Variants in PTPRD observed in about 807,000 individuals in gnomAD.
The protein encoded by PTPRD is protein tyrosine phosphatase receptor type D.
Under a neutral mutation model 214.5 loss-of-function variants are expected in PTPRD, and 34 were observed. The ratio of observed to expected loss-of-function variants is 0.16; its 90% CI spans 0.12 to 0.21. The LOEUF is 0.21. PTPRD is among the 10% of genes least tolerant of loss of function. The pLI, the probability that PTPRD is intolerant of heterozygous loss-of-function variation, is 1.00. For synonymous variants in PTPRD, 1,128 were observed against 845.7 expected (o/e 1.33, Z -5.79); for missense variants, 2,545 against 2,398.7 (o/e 1.06, Z -1.27).
intron 5 of PTPRD, among the ~76,000 whole-genome samples, chr9:9,922,482 C>A (rs2153880872): frequency 6.6e-6 from 1 of 152,022 alleles, no homozygotes; most frequent in Middle Eastern, 3.4e-3. Context: ...GAATGAAGAG[C>A]CACAGATCAT....
chr9:9,569,290 G>C (rs1415981313), intron 8 of PTPRD, among the ~76,000 whole-genome samples: 2 of 150,228 alleles, frequency 1.3e-5, no homozygotes, highest in Non-Finnish European at 3.0e-5. Flanking sequence ...AAAAAAAAAA[G>C]GTATTTAAAG....
rs565382708 is a variant in PTPRD, at chr9:10,200,928, G to A, written c.-545+140035C>T. On this transcript the variant is annotated intron_variant, in intron 3 of 45. Coordinates refer to ENST00000381196, the MANE Select transcript of PTPRD (RefSeq NM_002839.4). Reference sequence around the variant, plus strand: ...ATTTTTGGTAAATAAAAACAAGTTTGCATTTATTAATCATGAGTCATTGGC... The same window carrying A: ...ATTTTTGGTAAATAAAAACAAGTTTACATTTATTAATCATGAGTCATTGGC... Among the ~76,000 whole-genome samples, 320 of 152,118 alleles carry A rather than the reference G, an allele frequency of 2.1e-3. 1 individual carries two copies. Among genetic ancestry groups the A allele is most frequent in the African/African-American group, 7.3e-3 (304 of 41,534 alleles).
At chr9:8,791,741 C>A (rs1046717710) in intron 11 of PTPRD, among the ~76,000 whole-genome samples, 1 of 151,934 alleles carries the variant, frequency 6.6e-6, no homozygotes, top group Admixed American at 6.6e-5. Flanking sequence ...ACTGAGGATG[C>A]TGACTGGCTA....
chr9:9,155,786 G>C (rs563569937), intron 10 of PTPRD, among the ~76,000 whole-genome samples: 1 of 152,228 alleles, frequency 6.6e-6, no homozygotes, highest in Non-Finnish European at 1.5e-5. Context: ...ATATCACTTG[G>C]ACATAGTTTG....
intron 12 of PTPRD, among the ~76,000 whole-genome samples, chr9:8,691,034 T>C (rs185564427): frequency 6.6e-6 from 1 of 152,278 alleles, no homozygotes; most frequent in Non-Finnish European, 1.5e-5. Flanking sequence ...AAAATTATCT[T>C]TCTCTCCTAA....
intron 12 of PTPRD, among the ~76,000 whole-genome samples, chr9:8,731,337 ACTC>A (rs2098656511): frequency 6.6e-6 from 1 of 152,144 alleles, no homozygotes. Context: ...TTCTAAAATG[ACTC>A]TGACAAGCTA....
chr9:10,422,780 G>A (rs915021640), intron 2 of PTPRD, among the ~76,000 whole-genome samples: 1 of 152,032 alleles, frequency 6.6e-6, no homozygotes, highest in South Asian at 2.1e-4. Context: ...AGTTAGAATG[G>A]CGATCATTAA....
chr9:10,144,863 C>G (rs1015825620), intron 3 of PTPRD, among the ~76,000 whole-genome samples: 3 of 152,022 alleles, frequency 2.0e-5, no homozygotes, highest in African/African-American at 7.2e-5. Flanking sequence ...TGGGATAATA[C>G]TGATTTTTTT....
At chr9:10,481,857 G>T (rs766583771) in intron 2 of PTPRD, among the ~76,000 whole-genome samples, 1 of 152,110 alleles carries the variant, frequency 6.6e-6, no homozygotes, top group Non-Finnish European at 1.5e-5. Flanking sequence ...AGAGGTAGAG[G>T]ACAACCAGCA....
At chr9:8,711,719 C>T (rs1288386104) in intron 12 of PTPRD, among the ~76,000 whole-genome samples, 2 of 152,098 alleles carry the variant, frequency 1.3e-5, no homozygotes, top group Admixed American at 1.3e-4. Context: ...GTTGGTTTTG[C>T]TTTTTAGAAA....
At chr9:8,790,180 T>C (rs2096168019) in intron 11 of PTPRD, among the ~76,000 whole-genome samples, 1 of 151,684 alleles carries the variant, frequency 6.6e-6, no homozygotes, top group Non-Finnish European at 1.5e-5. Flanking sequence ...CTATGCCTAA[T>C]ATTTTTTTTA....
intron 12 of PTPRD, among the ~76,000 whole-genome samples, chr9:8,723,649 T>C (rs1242854674): frequency 6.6e-6 from 1 of 152,240 alleles, no homozygotes; most frequent in African/African-American, 2.4e-5. Flanking sequence ...GAGGAGTTTC[T>C]ATCAACCTAA....
At chr9:9,699,686 A>G (rs999453820) in intron 7 of PTPRD, among the ~76,000 whole-genome samples, 3 of 152,210 alleles carry the variant, frequency 2.0e-5, no homozygotes, top group Non-Finnish European at 4.4e-5. Flanking sequence ...CTATTTGCTA[A>G]CAGAGCTGTT....
In PTPRD at chr9:9,466,387, T is replaced by A. The variant is rs547418788; in HGVS notation, c.-236-68905A>T. On this transcript the variant is annotated intron_variant, in intron 8 of 45. Coordinates refer to ENST00000381196, the MANE Select transcript of PTPRD (RefSeq NM_002839.4). ...AGTGTTCTAGATGAAGTTGCTATTA[T>A]GAATCATATACTATACAATTCAAAA... Among the ~76,000 whole-genome samples the A allele has an allele frequency of 9.2e-5, 14 of 152,336 alleles. 1 individual carries two copies. The South Asian group carries it at 2.9e-3, about 32-fold the overall frequency.
rs867235922 is a variant in PTPRD, at chr9:8,786,037, G to C, written c.-103-52091C>G. 2.0e-3 allele frequency among the ~76,000 whole-genome samples: 271 copies of C among 135,862 alleles called. 1 individual carries two copies. The highest frequency in any genetic ancestry group is 0.018 in the East Asian group (78 of 4,288). 89.1% of individuals were successfully genotyped at this position (135,862 alleles called of 152,430 possible). ...TCTGAGAAGCCGCTTAATTTGTTGTGTGTGTGTGTGTGTGTGTGTGTGTGT... is the reference window on the plus strand; with the variant it reads ...TCTGAGAAGCCGCTTAATTTGTTGTCTGTGTGTGTGTGTGTGTGTGTGTGT... On this transcript the variant is annotated intron_variant, in intron 11 of 45. Coordinates refer to ENST00000381196, the MANE Select transcript of PTPRD (RefSeq NM_002839.4).
intron 2 of PTPRD, among the ~76,000 whole-genome samples, chr9:10,531,342 G>A (rs914266780): frequency 1.3e-5 from 2 of 152,116 alleles, no homozygotes; most frequent in African/African-American, 2.4e-5. Context: ...CAGAATAAGT[G>A]TTCCTAAAAA....
At chr9:10,503,444 A>T (rs1222911265) in intron 2 of PTPRD, among the ~76,000 whole-genome samples, 1 of 151,976 alleles carries the variant, frequency 6.6e-6, no homozygotes, top group Non-Finnish European at 1.5e-5. Flanking sequence ...AATCAAGTCA[A>T]TTTTTTTATT....
intron 8 of PTPRD, among the ~76,000 whole-genome samples, chr9:9,508,390 G>A (rs1358811009): frequency 1.3e-5 from 2 of 151,546 alleles, no homozygotes; most frequent in South Asian, 2.1e-4. Flanking sequence ...TTCGTGAGTA[G>A]AAATTACATG....
chr9:10,172,107 T>A (rs1413128106), intron 3 of PTPRD, among the ~76,000 whole-genome samples: 1 of 152,160 alleles, frequency 6.6e-6, no homozygotes, highest in Non-Finnish European at 1.5e-5. Flanking sequence ...ACACATATGA[T>A]GGTTCTTAAG....
Sources: allele counts gnomAD v4.1 joint callset (sites outside exome capture counted in the v4.1 genomes callset), GRCh38; gene constraint gnomAD v4.1.1; transcripts MANE v1.5; gene names NCBI Gene and HGNC (gene_info 2026-07-23, HGNC 2026-07-21).